Variants in COL24A1 observed in about 807,000 individuals in gnomAD.
COL24A1 encodes the protein collagen alpha-1(XXIV) chain.
Under a neutral mutation model 253.9 loss-of-function variants are expected in COL24A1, and 224 were observed. That is an observed-to-expected ratio of 0.88 (90% CI 0.79 to 0.99). COL24A1 has a LOEUF of 0.99. Among genes scored for constraint, COL24A1 ranks in the 50% least tolerant of loss-of-function variants. The probability of loss-of-function intolerance (pLI) is 0.00; values close to 1 mark genes in which losing one functional copy is unlikely to be tolerated. For missense variants in COL24A1, 2,131 were observed against 2,068.5 expected (o/e 1.03, Z -0.59); for synonymous variants, 685 against 673.7 (o/e 1.02, Z -0.26).
At chr1:85,995,957 A>G (rs1037893665) in intron 19 of COL24A1, among the ~76,000 whole-genome samples, 15 of 152,230 alleles carry the variant, frequency 9.9e-5, no homozygotes, top group Admixed American at 9.8e-4. Flanking sequence ...CTGTGAGCCA[A>G]TTAAACCTCT....
intron 57 of COL24A1, among the ~76,000 whole-genome samples, chr1:85,741,506 G>A (rs931171607): frequency 2.0e-5 from 3 of 152,132 alleles, no homozygotes; most frequent in African/African-American, 4.8e-5. Context: ...ATGAATGTTC[G>A]TTTTCTTCCA....
chr1:85,870,009 C>G (rs188627535), intron 35 of COL24A1, among the ~76,000 whole-genome samples: 1 of 152,014 alleles, frequency 6.6e-6, no homozygotes, highest in African/African-American at 2.4e-5. Flanking sequence ...GAAGATCTAC[C>G]AAGCAAATGG....
Position 85,951,378 on chromosome 1 carries a change from G to A in COL24A1, c.2562+9871C>T, listed in dbSNP as rs76633767. Among the ~76,000 whole-genome samples, 1,220 of 152,274 alleles carry A rather than the reference G, an allele frequency of 8.0e-3. 10 individuals carry two copies. Among genetic ancestry groups the A allele is most frequent in the Middle Eastern group, 0.037 (11 of 294 alleles). On this transcript the variant is annotated intron_variant, in intron 24 of 59. Coordinates refer to ENST00000370571, the MANE Select transcript of COL24A1 (RefSeq NM_152890.7). ...GGAGATTAGAAAAGACTTCATGGTT[G>A]AGAAGGTAATTTAAGATGGATCTTG...
chr1:85,879,306 C>A (rs566443046), intron 32 of COL24A1, among the ~76,000 whole-genome samples: 1 of 150,722 alleles, frequency 6.6e-6, no homozygotes. Context: ...TCTAGATTCA[C>A]GTTTTGCATG....
chr1:86,038,849 C>A (rs1040519437), intron 12 of COL24A1, among the ~76,000 whole-genome samples: 1 of 152,058 alleles, frequency 6.6e-6, no homozygotes, highest in Admixed American at 6.6e-5. Flanking sequence ...AAAAGCAAAT[C>A]CTCCAACCCC....
At chr1:86,110,971 C>T (rs896566766) in intron 5 of COL24A1, among the ~76,000 whole-genome samples, 9 of 152,202 alleles carry the variant, frequency 5.9e-5, no homozygotes, top group African/African-American at 2.2e-4. Flanking sequence ...CCGACCGTTG[C>T]CCCTGCATGA....
At chr1:85,864,931 G>C (rs983079906) in intron 37 of COL24A1, among the ~76,000 whole-genome samples, 26 of 152,126 alleles carry the variant, frequency 1.7e-4, no homozygotes, top group African/African-American at 6.3e-4. Flanking sequence ...TCAGGCAGAT[G>C]TTTCCTTTCA....
intron 29 of COL24A1, 139 bp from the exon 30 acceptor site, chr1:85,896,204 T>A: frequency 8.5e-7 from 1 of 1,172,878 alleles, no homozygotes; most frequent in East Asian, 2.4e-5. Flanking sequence ...CATCTCTGCC[T>A]GTGTAGTAAA....
intron 32 of COL24A1, among the ~76,000 whole-genome samples, chr1:85,887,198 A>C (rs1195625054): frequency 1.3e-5 from 2 of 152,178 alleles, no homozygotes; most frequent in Non-Finnish European, 2.9e-5. Context: ...CCCTCTTTAA[A>C]GTCAGTTTTC....
At chr1:85,847,808 A>C (rs1677306461) in intron 38 of COL24A1, 36 bp from the exon 39 acceptor site, 1 of 1,347,158 alleles carries the variant, frequency 7.4e-7, no homozygotes, top group Non-Finnish European at 1.1e-6. Flanking sequence ...AAAGCAAGAA[A>C]AAAATTTATA....
chr1:86,021,318 C>T (rs1279549494), intron 18 of COL24A1, among the ~76,000 whole-genome samples: 1 of 151,952 alleles, frequency 6.6e-6, no homozygotes, highest in African/African-American at 2.4e-5. Flanking sequence ...CTGTAATCAC[C>T]TTTACCTTCA....
chr1:86,119,097 C>T (rs1199877657), intron 3 of COL24A1, among the ~76,000 whole-genome samples: 2 of 152,116 alleles, frequency 1.3e-5, no homozygotes, highest in African/African-American at 4.8e-5. Flanking sequence ...TAAAAGATGT[C>T]AGAGTGAGAA....
chr1:85,945,002 G>GTTTTTT lies in COL24A1; in HGVS notation c.2562+16241_2562+16246dup, dbSNP rs1165341082. Among the ~76,000 whole-genome samples the GTTTTTT allele has an allele frequency of 3.0e-3, 107 of 35,358 alleles. 9 individuals are homozygous for GTTTTTT. The highest frequency in any genetic ancestry group is 3.9e-3 in the African/African-American group (32 of 8,230). 23.2% of individuals were successfully genotyped at this position (35,358 alleles called of 152,430 possible). ...TTTTCTTAATCCAGTCTATCATTGT[G>GTTTTTT]TTTTTTTTTTTTTTTTTTTTTTTTT... On this transcript the variant is annotated intron_variant, in intron 24 of 59. Coordinates refer to ENST00000370571, the MANE Select transcript of COL24A1 (RefSeq NM_152890.7).
chr1:86,090,677 G>A (rs2101967992), intron 6 of COL24A1, among the ~76,000 whole-genome samples: 1 of 152,162 alleles, frequency 6.6e-6, no homozygotes, highest in South Asian at 2.1e-4. Context: ...TTTAATGTAA[G>A]TACAATTTCT....
At chr1:85,831,689 G>A (rs1337097860) in intron 43 of COL24A1, among the ~76,000 whole-genome samples, 3 of 152,082 alleles carry the variant, frequency 2.0e-5, no homozygotes, top group Non-Finnish European at 4.4e-5. Context: ...TATAAGGGAA[G>A]TGATAAGTTC....
chr1:85,856,013 T>C (rs1227480111), intron 37 of COL24A1, among the ~76,000 whole-genome samples: 1 of 152,178 alleles, frequency 6.6e-6, no homozygotes, highest in Non-Finnish European at 1.5e-5. Flanking sequence ...GAGGGTTTTT[T>C]GTATTTCCGT....
rs960688662 is a variant in COL24A1, at chr1:85,911,271, C to T, written c.2616+109G>A. ...TAAGATATTCAGTATAGGTAATGTGCTAAAGTTATAAGTGATTTCTAATTA... is the reference window on the plus strand; with the variant it reads ...TAAGATATTCAGTATAGGTAATGTGTTAAAGTTATAAGTGATTTCTAATTA... On this transcript the variant is annotated intron_variant, in intron 25 of 59. Coordinates refer to ENST00000370571, the MANE Select transcript of COL24A1 (RefSeq NM_152890.7). 8.4e-5 allele frequency: 71 copies of T among 842,612 alleles called. No individual in the cohort carries two copies. The Admixed American group carries it at 1.5e-3, about 18-fold the overall frequency. 52.2% of individuals were successfully genotyped at this position (842,612 alleles called of 1,614,324 possible).
intron 10 of COL24A1, among the ~76,000 whole-genome samples, chr1:86,055,312 T>G (rs961962613): frequency 5.9e-5 from 9 of 152,174 alleles, no homozygotes. Flanking sequence ...AAATCTACAT[T>G]TGAGACCCTT....
At chr1:85,887,042 C>A (rs1169314370) in intron 32 of COL24A1, among the ~76,000 whole-genome samples, 1 of 152,050 alleles carries the variant, frequency 6.6e-6, no homozygotes, top group Admixed American at 6.5e-5. Context: ...ACTTGAGAAT[C>A]CTGTTAACTA....
Sources: gnomAD v4.1 joint callset for allele counts (sites outside exome capture counted in the v4.1 genomes callset) on GRCh38, gnomAD v4.1.1 for gene constraint, MANE v1.5 for transcripts, NCBI Gene and HGNC (gene_info 2026-07-23, HGNC 2026-07-21) for gene names.